Variants in OCA2 observed in about 807,000 individuals in gnomAD.
OCA2 encodes the protein P protein.
OCA2 carries 77 observed loss-of-function variants against 100.2 expected under a neutral mutation model. The observed-to-expected ratio is 0.77, with a 90% CI of 0.64 to 0.93. The LOEUF is 0.93. Among genes scored for constraint, OCA2 ranks in the 40% least tolerant of loss-of-function variants. The pLI is 0.00. For synonymous variants in OCA2, 432 were observed against 439.2 expected, an observed-to-expected ratio of 0.98 and a Z score of 0.21; for missense variants, 1,062 against 1,089.1, an observed-to-expected ratio of 0.98 and a Z score of 0.35.
chr15:28,074,745 G>A (rs969234032), intron 2 of OCA2, among the ~76,000 whole-genome samples: 1 of 151,666 alleles, frequency 6.6e-6, no homozygotes, highest in Non-Finnish European at 1.5e-5. Context: ...TACTTGGGAG[G>A]CTGAGGCAGG....
intron 23 of OCA2, among the ~76,000 whole-genome samples, chr15:27,785,605 T>C (rs961526356): frequency 2.0e-5 from 3 of 152,340 alleles, no homozygotes; most frequent in South Asian, 2.1e-4. Context: ...GTATTGAAGA[T>C]GATGTGGGAA....
intron 19 of OCA2, among the ~76,000 whole-genome samples, chr15:27,898,426 G>A (rs1019273376): frequency 1.3e-5 from 2 of 152,186 alleles, no homozygotes; most frequent in Non-Finnish European, 2.9e-5. Flanking sequence ...TCTGATGGTT[G>A]TAAAAACAGG....
At chr15:27,935,247 C>T (rs909280835) in intron 18 of OCA2, among the ~76,000 whole-genome samples, 2 of 152,164 alleles carry the variant, frequency 1.3e-5, no homozygotes, top group African/African-American at 4.8e-5. Context: ...ATTTACGTGA[C>T]CTGTCTTTAT....
At chr15:27,777,880 T>C (rs1412740919) in intron 23 of OCA2, among the ~76,000 whole-genome samples, 3 of 152,160 alleles carry the variant, frequency 2.0e-5, no homozygotes, top group Non-Finnish European at 4.4e-5. Context: ...ATGGAAGAAA[T>C]TAGCCAGCCC....
At chr15:27,912,830 T>C (rs2038449459) in intron 19 of OCA2, among the ~76,000 whole-genome samples, 1 of 152,162 alleles carries the variant, frequency 6.6e-6, no homozygotes, top group African/African-American at 2.4e-5. Context: ...CACTTCACAA[T>C]ACAGAAACCT....
intron 9 of OCA2, among the ~76,000 whole-genome samples, chr15:28,012,583 TA>T (rs367669028): frequency 0.014 from 2,066 of 150,102 alleles, 43 homozygotes; most frequent in African/African-American, 0.048. Flanking sequence ...CTAGCCGTAA[TA>T]AAAAAAAAAT....
chr15:27,839,665 A>G (rs2035276332), intron 23 of OCA2, among the ~76,000 whole-genome samples: 1 of 88,662 alleles, frequency 1.1e-5, no homozygotes, highest in South Asian at 5.5e-4. Context: ...CCTTTCAAAG[A>G]TAAATAGTAA....
intron 23 of OCA2, among the ~76,000 whole-genome samples, chr15:27,770,668 T>C (rs1225829295): frequency 6.7e-6 from 1 of 149,806 alleles, no homozygotes; most frequent in Non-Finnish European, 1.5e-5. Context: ...GAATCCAAGA[T>C]GGACAGCGGT....
intron 23 of OCA2, among the ~76,000 whole-genome samples, chr15:27,815,051 G>A (rs2034243760): frequency 6.6e-6 from 1 of 152,200 alleles, no homozygotes; most frequent in South Asian, 2.1e-4. Context: ...CCCCGAGGGA[G>A]AGCAGGGCTT....
intron 23 of OCA2, among the ~76,000 whole-genome samples, chr15:27,775,182 A>G (rs2032137010): frequency 6.6e-6 from 1 of 152,070 alleles, no homozygotes; most frequent in Non-Finnish European, 1.5e-5. Flanking sequence ...TGGCCCACAC[A>G]GTAGGGTTAG....
At chr15:28,035,014 G>T (rs2043008756) in intron 2 of OCA2, among the ~76,000 whole-genome samples, 1 of 152,128 alleles carries the variant, frequency 6.6e-6, no homozygotes, top group Non-Finnish European at 1.5e-5. Context: ...TCCTTGGAAA[G>T]CATGACCCAT....
At chr15:27,741,329 T>C in the OCA2 span, among the ~76,000 whole-genome samples, 2 of 152,120 alleles carry the variant, frequency 1.3e-5, no homozygotes, top group African/African-American at 2.4e-5. Context: ...GAAGGACTGC[T>C]GCATGGGGGA....
intron 23 of OCA2, among the ~76,000 whole-genome samples, chr15:27,809,597 T>C (rs1266334741): frequency 6.6e-6 from 1 of 152,170 alleles, no homozygotes; most frequent in East Asian, 1.9e-4. Context: ...TTGCTGAAGA[T>C]ATGATAGTAT....
chr15:27,737,617 A>G, the OCA2 span, among the ~76,000 whole-genome samples: 1 of 152,230 alleles, frequency 6.6e-6, no homozygotes, highest in Non-Finnish European at 1.5e-5. Flanking sequence ...GTGGAGCTAA[A>G]CATAAAAGGC....
chr15:27,832,792 A>G (rs374990807), intron 23 of OCA2, among the ~76,000 whole-genome samples: 5 of 150,834 alleles, frequency 3.3e-5, no homozygotes. Flanking sequence ...ATTTTAATAC[A>G]CTGACTATTC....
intron 14 of OCA2, among the ~76,000 whole-genome samples, chr15:27,973,486 G>T (rs1001194929): frequency 2.6e-5 from 4 of 152,132 alleles, no homozygotes; most frequent in African/African-American, 9.7e-5. Context: ...AGATCAGTTG[G>T]TTGTAAGTAT....
chr15:27,754,920 C>T lies in OCA2; in HGVS notation c.*468G>A, dbSNP rs957692340. The T allele has an allele frequency of 4.6e-5, 9 of 194,980 alleles. No individual in the cohort carries two copies. The highest frequency in any genetic ancestry group is 2.2e-4 in the South Asian group (2 of 9,164). The allele number at this position is 194,980 out of a possible 1,614,324, so 12.1% of individuals were successfully genotyped here. A position where few individuals can be genotyped will look rare whatever the true frequency, so the allele number is the denominator to read the frequency against. On this transcript the variant is annotated 3_prime_UTR_variant, in exon 24 of 24. Coordinates refer to ENST00000354638, the MANE Select transcript of OCA2 (RefSeq NM_000275.3). ...TTTTAATACATAAAATGTTTCCTTA[C>T]GAGCAGTAAACCTTTTCCCAGAAAG...
At chr15:27,976,049 A>AAATTT (rs1555447116) in intron 14 of OCA2, among the ~76,000 whole-genome samples, 28 of 151,748 alleles carry the variant, frequency 1.8e-4, no homozygotes, top group African/African-American at 6.5e-4. Context: ...ACTGTAAGTG[A>AAATTT]AATTTTAATT....
intron 2 of OCA2, among the ~76,000 whole-genome samples, chr15:28,052,940 C>G (rs1230451329): frequency 6.6e-6 from 1 of 152,066 alleles, no homozygotes; most frequent in Non-Finnish European, 1.5e-5. Flanking sequence ...AGGTGAAGAC[C>G]GTAGAAGCAG....
Sources: gnomAD v4.1 joint callset for allele counts (sites outside exome capture counted in the v4.1 genomes callset) on GRCh38, gnomAD v4.1.1 for gene constraint, MANE v1.5 for transcripts, NCBI Gene and HGNC (gene_info 2026-07-23, HGNC 2026-07-21) for gene names.